PCNX2: variants seen among roughly 807,000 people sequenced by gnomAD.
The protein encoded by PCNX2 is pecanex-like protein 2.
Under a neutral mutation model 223.8 loss-of-function variants are expected in PCNX2, and 168 were observed. That is an observed-to-expected ratio of 0.75 (90% confidence interval 0.66 to 0.85). The LOEUF (loss-of-function observed/expected upper bound fraction) is 0.85, where lower values mean the gene tolerates loss of function less well. Among genes scored for constraint, PCNX2 ranks in the 40% least tolerant of loss-of-function variants. PCNX2 has a pLI of 0.00. For synonymous variants in PCNX2, 1,006 were observed against 1,052.6 expected, an observed-to-expected ratio of 0.96 and a Z score of 0.86; for missense variants, 2,507 against 2,675.5, an observed-to-expected ratio of 0.94 and a Z score of 1.39.
intron 1 of PCNX2, among the ~76,000 whole-genome samples, chr1:233,292,202 CTTTTTT>C (rs963996089): frequency 2.2e-4 from 24 of 109,494 alleles, no homozygotes; most frequent in Middle Eastern, 6.0e-3. Context: ...TTCTTTCTTT[CTTTTTT>C]TTTTTTTTTT....
At chr1:233,053,787 T>C (rs1445731321) in intron 25 of PCNX2, among the ~76,000 whole-genome samples, 1 of 152,240 alleles carries the variant, frequency 6.6e-6, no homozygotes, top group African/African-American at 2.4e-5. Flanking sequence ...AAGTGCCTTC[T>C]ACATGATCTC....
intron 17 of PCNX2, among the ~76,000 whole-genome samples, chr1:233,168,595 T>C (rs1274773196): frequency 6.6e-6 from 1 of 152,110 alleles, no homozygotes; most frequent in Non-Finnish European, 1.5e-5. Context: ...CGACTCATAG[T>C]GCAAACATCC....
chr1:233,069,827 T>C (rs1672773142), intron 23 of PCNX2, among the ~76,000 whole-genome samples: 1 of 151,530 alleles, frequency 6.6e-6, no homozygotes, highest in Admixed American at 6.6e-5. Context: ...CCAAAAAATC[T>C]AGAAAAAGAA....
In PCNX2 at chr1:233,253,784, T is replaced by C. The variant is rs922051096; in HGVS notation, c.1835-996A>G. Among the ~76,000 whole-genome samples the C allele has an allele frequency of 6.6e-6, 1 of 151,846 alleles. No individual in the cohort carries two copies. Among genetic ancestry groups the C allele is most frequent in the African/African-American group, 2.4e-5 (1 of 41,138 alleles). On this transcript the variant is annotated intron_variant, in intron 5 of 33. Transcript: ENST00000258229. This position sits in a 1 kb window ranked among gnomAD's most constrained non-coding sequence, Gnocchi z 4.2. ...TGATTGTTTTTATTTTTTGCATTTT[T>C]TGAATCCTCTTTAAACAACAAACCA...
At chr1:233,320,038 G>C in the PCNX2 span, among the ~76,000 whole-genome samples, 1 of 152,082 alleles carries the variant, frequency 6.6e-6, no homozygotes, top group African/African-American at 2.4e-5. Context: ...TGCATTCAAC[G>C]TGTTGCAATA....
At chr1:233,013,360 C>A (rs779046367) in intron 28 of PCNX2, among the ~76,000 whole-genome samples, 25 of 152,270 alleles carry the variant, frequency 1.6e-4, no homozygotes, top group Non-Finnish European at 1.8e-4. Context: ...GCGCTGCCAG[C>A]CACACACTTT....
In PCNX2 at chr1:233,025,242, C is replaced by T. The variant is rs763182227; in HGVS notation, c.4509G>A (p.Gln1503=). 3.7e-6 allele frequency: 6 copies of T among 1,613,882 alleles called. No individual in the cohort carries two copies. The African/African-American group carries it at 6.7e-5, about 18-fold the overall frequency. Residue 1503 remains glutamine, a synonymous_variant, in exon 26 of 34, where the codon CAG becomes CAA. Coordinates refer to ENST00000258229, the MANE Select transcript of PCNX2 (RefSeq NM_014801.4). ...RWLTWEITQT[Q]YILEGYSILD... ...GGATGCTGTAGCCCTCCAGGATGTA[C>T]TGGGTCTGCGTGATTTCCCAGGTGA... is the stretch of plus-strand genomic sequence containing the variant.
chr1:233,188,136 G>A (rs772409246), intron 15 of PCNX2, among the ~76,000 whole-genome samples: 1 of 152,190 alleles, frequency 6.6e-6, no homozygotes. Context: ...AGCAGAGTGT[G>A]GCTGCGTCCT....
intron 15 of PCNX2, among the ~76,000 whole-genome samples, chr1:233,193,154 T>C (rs1055477744): frequency 6.7e-6 from 1 of 150,050 alleles, no homozygotes; most frequent in African/African-American, 2.4e-5. Flanking sequence ...TAGTACACAA[T>C]AACTTCTCAA....
At chr1:233,096,269 C>T (rs943887678) in intron 21 of PCNX2, among the ~76,000 whole-genome samples, 1 of 152,156 alleles carries the variant, frequency 6.6e-6, no homozygotes, top group Non-Finnish European at 1.5e-5. Context: ...TTCAGCTGCT[C>T]CTACTGGAGA....
intron 8 of PCNX2, chr1:233,241,325 C>T (rs1658751362): frequency 1.0e-6 from 1 of 985,368 alleles, no homozygotes; most frequent in Admixed American, 6.1e-5. Context: ...GCGGCAGGGC[C>T]AATTCTCAGG....
intron 8 of PCNX2, among the ~76,000 whole-genome samples, chr1:233,239,420 G>A (rs1658624320): frequency 6.6e-6 from 1 of 152,052 alleles, no homozygotes; most frequent in Admixed American, 6.5e-5. Flanking sequence ...ATTTCAGATT[G>A]TAAAATAATA....
chr1:233,287,686 G>T (rs1227663038), intron 1 of PCNX2, among the ~76,000 whole-genome samples: 1 of 152,266 alleles, frequency 6.6e-6, no homozygotes, highest in South Asian at 2.1e-4. Context: ...GTATGAAAAT[G>T]GACTAATATG....
Position 232,984,098 on chromosome 1 carries a change from T to G in PCNX2, c.*206A>C. The G allele has an allele frequency of 4.8e-6, 2 of 416,758 alleles. No individual in the cohort carries two copies. Among genetic ancestry groups the G allele is most frequent in the Non-Finnish European group, 4.0e-6 (1 of 253,146 alleles). 25.8% of individuals were successfully genotyped at this position (416,758 alleles called of 1,614,324 possible). On this transcript the variant is annotated 3_prime_UTR_variant, in exon 34 of 34. Transcript: ENST00000258229. The stretch of plus-strand genomic sequence containing the variant: ...CCCATCATGTGAGGTTTTTTTGTTG[T>G]TGTTGTTTGATTTTTTTTTTTTTTT...
intron 1 of PCNX2, among the ~76,000 whole-genome samples, chr1:233,275,130 T>C (rs1461510973): frequency 6.6e-6 from 1 of 152,232 alleles, no homozygotes; most frequent in Non-Finnish European, 1.5e-5. Context: ...GCTCTTTTGC[T>C]AGTGTTAGAA....
intron 9 of PCNX2, 84 bp from the exon 10 acceptor site, chr1:233,227,455 C>A: frequency 8.4e-7 from 1 of 1,192,360 alleles, no homozygotes. Flanking sequence ...TATGTATACA[C>A]ACACACACAT....
At chr1:233,037,576 C>T (rs1205784800) in intron 25 of PCNX2, among the ~76,000 whole-genome samples, 2 of 151,988 alleles carry the variant, frequency 1.3e-5, no homozygotes, top group Non-Finnish European at 2.9e-5. Flanking sequence ...GTACACCTGG[C>T]CTCATATAAT....
At chr1:233,292,667 C>T (rs891833461) in intron 1 of PCNX2, among the ~76,000 whole-genome samples, 3 of 152,158 alleles carry the variant, frequency 2.0e-5, no homozygotes, top group Admixed American at 1.3e-4. Context: ...TTAACAATCA[C>T]AGGCAACACT....
chr1:233,177,271 T>C (rs1361996791), intron 17 of PCNX2, among the ~76,000 whole-genome samples: 1 of 152,250 alleles, frequency 6.6e-6, no homozygotes, highest in East Asian at 1.9e-4. Context: ...CATTAGGTCA[T>C]AGCCTGATCC....
Sources: gnomAD v4.1 joint callset for allele counts (sites outside exome capture counted in the v4.1 genomes callset) on GRCh38, gnomAD v4.1.1 for gene constraint, Gnocchi (gnomAD v3.1) non-coding constraint, MANE v1.5 for transcripts, NCBI Gene and HGNC (gene_info 2026-07-23, HGNC 2026-07-21) for gene names.